Variants in CPM observed in about 807,000 individuals in gnomAD.
The protein encoded by CPM is renal carboxypeptidase.
CPM carries 35 observed loss-of-function variants against 46.4 expected under a neutral mutation model. The observed-to-expected ratio is 0.75, with a 90% CI of 0.58 to 1.00. The LOEUF is 1.00. Among genes scored for constraint, CPM ranks in the 50% least tolerant of loss-of-function variants. CPM has a pLI of 0.00. For synonymous variants in CPM, 195 were observed against 195.3 expected (o/e 1.00, Z 0.01); for missense variants, 422 against 530.4 (o/e 0.80, Z 2.01).
intron 8 of CPM, among the ~76,000 whole-genome samples, chr12:68,857,639 G>A (rs1037186976): frequency 1.3e-5 from 2 of 152,046 alleles, no homozygotes; most frequent in South Asian, 4.1e-4. Context: ...GGGAAAAAAT[G>A]GGGAATGACA....
chr12:68,859,055 A>C lies in CPM; in HGVS notation c.957T>G (p.Val319=), dbSNP rs1592632298. Residue 319 remains valine, a synonymous_variant, in exon 8 of 9, where the codon GTT becomes GTG. Coordinates refer to ENST00000551568, the MANE Select transcript of CPM (RefSeq NM_198320.5). Reference sequence around the variant, plus strand: ...GTAATGGATTTCCATTCTGATCAAAAACTTGACCCTTTACACCTGCAAGAC... The same window carrying C: ...GTAATGGATTTCCATTCTGATCAAACACTTGACCCTTTACACCTGCAAGAC... ...KQVHLGVKGQ[V]FDQNGNPLPN... 1.3e-6 allele frequency: 2 copies of C among 1,525,518 alleles called. No homozygotes were observed. Among genetic ancestry groups the C allele is most frequent in the East Asian group, 4.9e-5 (2 of 41,136 alleles). The allele number at this position is 1,525,518 out of a possible 1,614,324, so 94.5% of individuals were successfully genotyped here. A position where few individuals can be genotyped will look rare whatever the true frequency, so the allele number is the denominator to read the frequency against.
At chr12:68,899,355 T>C (rs534551138) in intron 2 of CPM, among the ~76,000 whole-genome samples, 42 of 152,368 alleles carry the variant, frequency 2.8e-4, no homozygotes, top group African/African-American at 9.6e-4. Context: ...AAGCCGCATG[T>C]TGCCATGAGG....
At chr12:68,872,052 CAT>C (rs1885725020) in intron 3 of CPM, 96 bp from the exon 4 acceptor site, 4 of 1,225,052 alleles carry the variant, frequency 3.3e-6, no homozygotes, top group Non-Finnish European at 1.1e-6. Flanking sequence ...GGTCTCTACA[CAT>C]GATATCTCAG....
At chr12:68,945,596 CCAATGT>C (rs1354422435) in intron 1 of CPM, among the ~76,000 whole-genome samples, 46 of 152,108 alleles carry the variant, frequency 3.0e-4, no homozygotes, top group Admixed American at 2.9e-3. Flanking sequence ...TGTTGGGTCC[CCAATGT>C]TGGTATAACA....
Position 68,854,439 on chromosome 12 carries a change from T to C in CPM, c.*1998A>G, listed in dbSNP as rs965629115. Reference sequence around the variant, plus strand: ...TTATAATACAATGTTGTAAATCCAATAGTAGAGATAACCAGTTTATTTTGG... The same window carrying C: ...TTATAATACAATGTTGTAAATCCAACAGTAGAGATAACCAGTTTATTTTGG... On this transcript the variant is annotated 3_prime_UTR_variant, in exon 9 of 9. Transcript: ENST00000551568. 1.3e-5 allele frequency: 2 copies of C among 152,156 alleles called. No homozygotes were observed. Among genetic ancestry groups the C allele is most frequent in the Admixed American group, 1.3e-4 (2 of 15,270 alleles). 9.4% of individuals were successfully genotyped at this position (152,156 alleles called of 1,614,324 possible). A position where few individuals can be genotyped will look rare whatever the true frequency, so the allele number is the denominator to read the frequency against.
At chr12:68,920,748 T>A (rs1006175236) in intron 2 of CPM, among the ~76,000 whole-genome samples, 1 of 149,880 alleles carries the variant, frequency 6.7e-6, no homozygotes, top group Non-Finnish European at 1.5e-5. Context: ...TGGAGTACAG[T>A]GGCACAGTCT....
At chr12:68,962,667 G>C (rs1275996177) in intron 1 of CPM, among the ~76,000 whole-genome samples, 2 of 152,122 alleles carry the variant, frequency 1.3e-5, no homozygotes, top group African/African-American at 2.4e-5. Flanking sequence ...TGATGGGAAG[G>C]GGGAGCCAGA....
intron 1 of CPM, among the ~76,000 whole-genome samples, chr12:68,962,894 C>T (rs1269326888): frequency 1.3e-5 from 2 of 152,242 alleles, no homozygotes. Context: ...CTCCCTGTGA[C>T]CTGGAAGTCC....
intron 1 of CPM, among the ~76,000 whole-genome samples, chr12:68,953,599 G>C (rs1210655459): frequency 2.0e-5 from 3 of 151,988 alleles, no homozygotes. Context: ...TGCCTTCTCT[G>C]CCCAGGTGCT....
In CPM at chr12:68,856,071, T is replaced by C. The variant is rs572655721; in HGVS notation, c.*366A>G. On this transcript the variant is annotated 3_prime_UTR_variant, in exon 9 of 9. Transcript: ENST00000551568. ...TTGTATGTAGAAGATCAATAAATGT[T>C]CATCTTCATTGCTTATATTCATCCG... 4.6e-6 allele frequency: 1 copy of C among 216,648 alleles called. No homozygotes were observed. The highest frequency in any genetic ancestry group is 9.3e-6 in the Non-Finnish European group (1 of 107,414). 13.4% of individuals were successfully genotyped at this position (216,648 alleles called of 1,614,324 possible). A position where few individuals can be genotyped will look rare whatever the true frequency, so the allele number is the denominator to read the frequency against.
At chr12:68,901,643 T>C (rs187219983) in intron 2 of CPM, among the ~76,000 whole-genome samples, 2 of 152,346 alleles carry the variant, frequency 1.3e-5, no homozygotes, top group East Asian at 3.9e-4. Flanking sequence ...GTCATTAATC[T>C]AGCAAAGGCC....
chr12:68,924,147 C>T (rs1056407587), intron 2 of CPM, among the ~76,000 whole-genome samples: 8 of 102,166 alleles, frequency 7.8e-5, no homozygotes, highest in Middle Eastern at 5.2e-3. Flanking sequence ...CCTGTCTCTA[C>T]TTAAAAAAAA....
intron 2 of CPM, among the ~76,000 whole-genome samples, chr12:68,907,760 C>T (rs1048717739): frequency 6.6e-6 from 1 of 152,202 alleles, no homozygotes; most frequent in Non-Finnish European, 1.5e-5. Context: ...TAGTCATCCA[C>T]TTTTGCTAAC....
At chr12:68,926,876 C>T (rs1253085933) in intron 2 of CPM, among the ~76,000 whole-genome samples, 2 of 152,164 alleles carry the variant, frequency 1.3e-5, no homozygotes, top group Non-Finnish European at 2.9e-5. Flanking sequence ...ATCCATGTCC[C>T]TACAAAGGAC....
chr12:68,895,810 G>A (rs915428243), intron 2 of CPM, among the ~76,000 whole-genome samples: 2 of 152,230 alleles, frequency 1.3e-5, no homozygotes, highest in African/African-American at 4.8e-5. Flanking sequence ...GCTGGGTGTG[G>A]TGGTGTGCCA....
At chr12:68,961,036 A>G (rs1243845419) in intron 1 of CPM, among the ~76,000 whole-genome samples, 2 of 152,250 alleles carry the variant, frequency 1.3e-5, no homozygotes, top group Admixed American at 1.3e-4. Flanking sequence ...GTAAATGTCC[A>G]CTTACTGGTT....
chr12:68,848,628 A>G (rs1172665394), downstream of CPM: 3 of 152,322 alleles, frequency 2.0e-5, no homozygotes, highest in Non-Finnish European at 2.9e-5. Context: ...ATTGCTCCCT[A>G]CAAAAAAGGC....
chr12:68,938,186 A>G (rs1355525378), intron 1 of CPM, among the ~76,000 whole-genome samples: 2 of 152,368 alleles, frequency 1.3e-5, no homozygotes, highest in Middle Eastern at 3.4e-3. Context: ...TGTCACAAGA[A>G]AATCTGAACA....
At chr12:68,872,043 G>GAAT in intron 3 of CPM, 87 bp from the exon 4 acceptor site, 1 of 1,345,074 alleles carries the variant, frequency 7.4e-7, no homozygotes, top group Non-Finnish European at 1.0e-6. Context: ...CCCAATAGGG[G>GAAT]TCTCTACACA....
Sources: gnomAD v4.1 joint callset for allele counts (sites outside exome capture counted in the v4.1 genomes callset) on GRCh38, gnomAD v4.1.1 for gene constraint, MANE v1.5 for transcripts, NCBI Gene and HGNC (gene_info 2026-07-23, HGNC 2026-07-21) for gene names.